HDAC9: variants seen among roughly 807,000 people sequenced by gnomAD.
The protein encoded by HDAC9 is histone deacetylase 9.
In HDAC9, 41 loss-of-function variants were observed where a neutral mutation model predicts 139.4. That is an observed-to-expected ratio of 0.29 (90% CI 0.23 to 0.38). The LOEUF (loss-of-function observed/expected upper bound fraction) is 0.38. HDAC9 is among the 10% of genes least tolerant of loss of function. The probability of loss-of-function intolerance (pLI) is 1.00; values close to 1 mark genes in which losing one functional copy is unlikely to be tolerated. For missense variants in HDAC9, 1,147 were observed against 1,297.0 expected (o/e 0.88, Z 1.78); for synonymous variants, 517 against 476.2 (o/e 1.09, Z -1.12).
intron 8 of HDAC9, among the ~76,000 whole-genome samples, chr7:18,636,169 G>T (rs1783818489): frequency 6.6e-6 from 1 of 152,026 alleles, no homozygotes; most frequent in Non-Finnish European, 1.5e-5. Flanking sequence ...ATAAAGCCTA[G>T]TACCAACCAG....
intron 23 of HDAC9, among the ~76,000 whole-genome samples, chr7:18,953,021 A>G (rs892774948): frequency 1.3e-5 from 2 of 152,036 alleles, no homozygotes; most frequent in African/African-American, 4.8e-5. Flanking sequence ...ATTGAAGAAT[A>G]GAATAATCAA....
chr7:18,798,510 A>G (rs543507845), intron 17 of HDAC9, among the ~76,000 whole-genome samples: 1 of 152,312 alleles, frequency 6.6e-6, no homozygotes, highest in African/African-American at 2.4e-5. Flanking sequence ...CATTCTTAGC[A>G]TAAACTAGTA....
In HDAC9 at chr7:18,932,398, A is replaced by G. The variant is rs189192748; in HGVS notation, c.2804-3411A>G. Among the ~76,000 whole-genome samples, 16 of 152,324 alleles carry G rather than the reference A, an allele frequency of 1.1e-4. No individual in the cohort carries two copies. In the East Asian group the frequency reaches 2.7e-3, roughly 26 times the overall value. The stretch of plus-strand genomic sequence containing the variant: ...ATATTCTTAAACACTTTTATGTGAA[A>G]GTATCTCAAAATGCTGAATTAAATA... On this transcript the variant is annotated intron_variant, in intron 22 of 25. Transcript: ENST00000686413.
intron 1 of HDAC9, among the ~76,000 whole-genome samples, chr7:18,426,373 A>G (rs2128756558): frequency 6.6e-6 from 1 of 152,338 alleles, no homozygotes. Flanking sequence ...TTAATCTTAG[A>G]AGCAAAGAAC....
chr7:18,142,534 A>C (rs888083121), intron 1 of HDAC9, among the ~76,000 whole-genome samples: 1 of 152,220 alleles, frequency 6.6e-6, no homozygotes, highest in East Asian at 1.9e-4. Context: ...ACGTCACCAC[A>C]TGGAACTTTG....
intron 2 of HDAC9, among the ~76,000 whole-genome samples, chr7:18,239,720 C>A (rs113906886): frequency 6.6e-6 from 1 of 152,074 alleles, no homozygotes; most frequent in South Asian, 2.1e-4. Context: ...ATAGTTTAAT[C>A]AAAAATGGGC....
At chr7:18,305,555 A>G (rs542481898) in intron 1 of HDAC9, among the ~76,000 whole-genome samples, 1 of 152,104 alleles carries the variant, frequency 6.6e-6, no homozygotes, top group Non-Finnish European at 1.5e-5. Context: ...AAGAAACATA[A>G]CTCAAAGCTA....
intron 11 of HDAC9, among the ~76,000 whole-genome samples, chr7:18,662,453 T>C (rs1793505792): frequency 6.6e-6 from 1 of 151,816 alleles, no homozygotes; most frequent in Non-Finnish European, 1.5e-5. Flanking sequence ...ATGGATGATA[T>C]TGCTGAAAGA....
chr7:18,571,174 A>C (rs3807919), intron 2 of HDAC9, among the ~76,000 whole-genome samples: 1 of 152,182 alleles, frequency 6.6e-6, no homozygotes, highest in Non-Finnish European at 1.5e-5. Context: ...TTAACGTTCA[A>C]TTTTTTTCTA....
At position 18,496,294 on chromosome 7, in the gene HDAC9, C is replaced by A. The variant is rs1160727260; in HGVS notation, c.-9C>A. The A allele has an allele frequency of 1.2e-6, 2 of 1,613,046 alleles. No individual in the cohort carries two copies. Among genetic ancestry groups the A allele is most frequent in the Non-Finnish European group, 1.7e-6 (2 of 1,179,430 alleles). On this transcript the variant is annotated 5_prime_UTR_variant, in exon 2 of 26. Coordinates refer to ENST00000686413, the MANE Select transcript of HDAC9 (RefSeq NM_178425.4). ...GGCTGGACGAGAGCAGCTCTTGGCT[C>A]AGCAAAGAATGCACAGTATGATCAG... is the stretch of plus-strand genomic sequence containing the variant.
intron 17 of HDAC9, among the ~76,000 whole-genome samples, chr7:18,812,299 G>A (rs1794235053): frequency 6.6e-6 from 1 of 151,688 alleles, no homozygotes; most frequent in Non-Finnish European, 1.5e-5. Flanking sequence ...AGTCGATCCA[G>A]GTTTCCATTT....
At chr7:18,228,827 C>G (rs1005097215) in intron 2 of HDAC9, among the ~76,000 whole-genome samples, 2 of 152,096 alleles carry the variant, frequency 1.3e-5, no homozygotes, top group African/African-American at 4.8e-5. Flanking sequence ...CCAAACTAGC[C>G]TGTTATCTTT....
At chr7:18,786,507 T>TTCCTTC (rs1562940539) in intron 16 of HDAC9, among the ~76,000 whole-genome samples, 12 of 132,080 alleles carry the variant, frequency 9.1e-5, no homozygotes, top group African/African-American at 1.5e-4. Flanking sequence ...CCTTCCTTCC[T>TTCCTTC]CTCTCTCATG....
rs545662957 is a variant in HDAC9 at position 18,741,091 on chromosome 7, C to T, written c.1910-7914C>T. Among the ~76,000 whole-genome samples, 9 of 152,266 alleles carry T rather than the reference C, an allele frequency of 5.9e-5. No individual in the cohort carries two copies. The South Asian group carries it at 1.9e-3, about 32-fold the overall frequency. ...AACATGAAAGTGGAAGGTAAAGCAG[C>T]AAGTGTTGATGTAGAAGCTACAACA... On this transcript the variant is annotated intron_variant, in intron 13 of 25. Transcript: ENST00000686413.
chr7:18,870,862 C>T (rs992561620), intron 21 of HDAC9, among the ~76,000 whole-genome samples: 2 of 151,986 alleles, frequency 1.3e-5, no homozygotes, highest in Non-Finnish European at 2.9e-5. Flanking sequence ...GAGATGGGGT[C>T]TCTCTGTGTT....
intron 25 of HDAC9, among the ~76,000 whole-genome samples, chr7:18,986,755 G>C (rs542958770): frequency 1.1e-3 from 163 of 152,192 alleles, no homozygotes; most frequent in African/African-American, 3.8e-3. Context: ...CTTGAGCAGT[G>C]GTTTGTAGTT....
chr7:18,107,179 T>C (rs1783273925), intron 1 of HDAC9, among the ~76,000 whole-genome samples: 1 of 152,172 alleles, frequency 6.6e-6, no homozygotes, highest in Admixed American at 6.5e-5. Context: ...CCTAGGGTGT[T>C]TGCGCTTCCC....
At chr7:18,280,144 T>A (rs573961531) in intron 2 of HDAC9, among the ~76,000 whole-genome samples, 8 of 152,266 alleles carry the variant, frequency 5.3e-5, no homozygotes, top group Admixed American at 3.9e-4. Context: ...GACTTATGTA[T>A]AATCAATATT....
intron 6 of HDAC9, among the ~76,000 whole-genome samples, chr7:18,618,173 G>T (rs1168984404): frequency 1.3e-5 from 2 of 152,256 alleles, no homozygotes. Flanking sequence ...AAATTAGACA[G>T]TGATTTACTA....
Sources: allele counts gnomAD v4.1 joint callset (sites outside exome capture counted in the v4.1 genomes callset), GRCh38; gene constraint gnomAD v4.1.1; transcripts MANE v1.5; gene names NCBI Gene and HGNC (gene_info 2026-07-23, HGNC 2026-07-21).